The following WRAP73 variants were observed in gnomAD, a reference collection of about 807,000 sequenced individuals.
WRAP73 encodes WD repeat-containing protein WRAP73.
In WRAP73, 55 loss-of-function variants were observed where a neutral mutation model predicts 59.6. The observed-to-expected ratio is 0.92, with a 90% CI of 0.74 to 1.15. The LOEUF is 1.15. WRAP73 is among the 50% of genes most tolerant of loss of function. The pLI, the probability that WRAP73 is intolerant of heterozygous loss-of-function variation, is 0.00. For missense variants in WRAP73, 592 were observed against 608.1 expected, an observed-to-expected ratio of 0.97 and a Z score of 0.28; for synonymous variants, 265 against 258.2, an observed-to-expected ratio of 1.03 and a Z score of -0.25.
At chr1:3,636,134 G>T in intron 5 of WRAP73, 104 bp from the exon 6 acceptor site, 1 of 841,336 alleles carries the variant, frequency 1.2e-6, no homozygotes, top group Non-Finnish European at 1.9e-6. Flanking sequence ...TCCTTATATA[G>T]AAATTGACAA....
rs957811344 is a variant in WRAP73, at chr1:3,639,911, G to A, written c.340-1089C>T. 6.6e-6 allele frequency among the ~76,000 whole-genome samples: 1 copy of A among 152,170 alleles called. No individual in the cohort carries two copies. The highest frequency in any genetic ancestry group is 1.5e-5 in the Non-Finnish European group (1 of 68,010). On this transcript the variant is annotated intron_variant, in intron 3 of 11. Coordinates refer to ENST00000270708, the MANE Select transcript of WRAP73 (RefSeq NM_017818.4). This position sits in a 1 kb window ranked among gnomAD's most constrained non-coding sequence, Gnocchi z 4.3. ...GGACCGTCTCCAGCAGCGTAAGTGG[G>A]GCCGCAGCGTGTGGGGCACAGCATG...
intron 1 of WRAP73, among the ~76,000 whole-genome samples, chr1:3,648,438 G>T (rs186058689): frequency 6.6e-6 from 1 of 152,216 alleles, no homozygotes; most frequent in Non-Finnish European, 1.5e-5. Flanking sequence ...AAGAGAGACA[G>T]GCGGGTGACG....
intron 11 of WRAP73, 28 bp from the exon 12 acceptor site, chr1:3,631,145 T>C: frequency 6.2e-7 from 1 of 1,612,620 alleles, no homozygotes; most frequent in Non-Finnish European, 8.5e-7. Flanking sequence ...GCCAGAGGAT[T>C]ACAGCAGGGG....
intron 3 of WRAP73, among the ~76,000 whole-genome samples, chr1:3,643,543 C>T (rs1264056315): frequency 2.0e-5 from 3 of 152,074 alleles, no homozygotes; most frequent in African/African-American, 7.2e-5. Context: ...GTGGCGCCTT[C>T]GCAAGTGGAC....
intron 3 of WRAP73, among the ~76,000 whole-genome samples, chr1:3,641,141 T>C (rs1203599734): frequency 1.3e-5 from 2 of 152,130 alleles, no homozygotes; most frequent in African/African-American, 4.8e-5. Flanking sequence ...TGGGATGGGC[T>C]CCACAGCACT....
Position 3,639,671 on chromosome 1 carries a change from G to T in WRAP73, c.340-849C>A, listed in dbSNP as rs575997137. On this transcript the variant is annotated intron_variant, in intron 3 of 11. Coordinates refer to ENST00000270708, the MANE Select transcript of WRAP73 (RefSeq NM_017818.4). The surrounding 1 kb of genome is among the most constrained non-coding windows in gnomAD (Gnocchi z 4.3). ...TCTGGTAGTTAACTGAAATATGGCCGAGGTGCGGGGACACAAGGTGCGGGG... is the reference window on the plus strand; with the variant it reads ...TCTGGTAGTTAACTGAAATATGGCCTAGGTGCGGGGACACAAGGTGCGGGG... 6.6e-6 allele frequency: 1 copy of T among 152,066 alleles called. No individual in the cohort carries two copies. Among genetic ancestry groups the T allele is most frequent in the African/African-American group, 2.4e-5 (1 of 41,306 alleles). The allele number at this position is 152,066 out of a possible 1,614,324, so 9.4% of individuals were successfully genotyped here.
intron 2 of WRAP73, 129 bp downstream of exon 2, chr1:3,647,279 A>T: frequency 9.9e-7 from 1 of 1,013,084 alleles, no homozygotes; most frequent in South Asian, 2.0e-5. Context: ...GAACGTTATA[A>T]TTTCAAAAGA....
At chr1:3,647,243 T>C in intron 2 of WRAP73, 165 bp downstream of exon 2, 1 of 749,808 alleles carries the variant, frequency 1.3e-6, no homozygotes. Context: ...GGAGTTTCCT[T>C]AGTTTAAATG....
chr1:3,631,151 A>C, intron 11 of WRAP73, 34 bp from the exon 12 acceptor site: 1 of 1,612,008 alleles, frequency 6.2e-7, no homozygotes, highest in Non-Finnish European at 8.5e-7. Flanking sequence ...GGATTACAGC[A>C]GGGGAGGCCC....
chr1:3,632,338 T>A lies in WRAP73; in HGVS notation c.923A>T (p.Tyr308Phe). The part of the protein sequence containing the change: ...AGPLPSSESK[Y>F]EIASVPVSLQ... ...GGAGACTGGGACAGAGGCGATCTCA[T>A]CTAGAACACCAACAGGAAGAACACG... The change falls in exon 10 of 12, where the codon TAT becomes TTT. Residue 308 changes from tyrosine (Y) to phenylalanine (F), a missense_variant and splice_region_variant. Physicochemically the swap from Tyr to Phe is conservative, Grantham distance 22 (BLOSUM62 3). Transcript: ENST00000270708. 6.2e-7 allele frequency: 1 copy of A among 1,614,108 alleles called. No homozygotes were observed. The highest frequency in any genetic ancestry group is 1.1e-5 in the South Asian group (1 of 91,082).
rs1272212713 is a variant in WRAP73, at chr1:3,631,667, G to A, written c.1049-10C>T. The A allele has an allele frequency of 5.1e-6, 8 of 1,583,872 alleles. No homozygotes were observed. Among genetic ancestry groups the A allele is most frequent in the Non-Finnish European group, 6.8e-6 (8 of 1,169,356 alleles). The stretch of plus-strand genomic sequence containing the variant: ...GCATTGGGAATGTTGTCTGAGGAAG[G>A]AAGGACAGGGCACCGGTGTCATCCC... On this transcript the variant is annotated splice_polypyrimidine_tract_variant and intron_variant, in intron 10 of 11. Coordinates refer to ENST00000270708, the MANE Select transcript of WRAP73 (RefSeq NM_017818.4).
At chr1:3,643,424 C>T (rs1178134623) in intron 3 of WRAP73, among the ~76,000 whole-genome samples, 9 of 152,338 alleles carry the variant, frequency 5.9e-5, no homozygotes, top group Admixed American at 4.6e-4. Context: ...AGGGGTGAGC[C>T]GCTTTTGATG....
chr1:3,635,169 A>G lies in WRAP73; in HGVS notation c.729T>C (p.Tyr243=), dbSNP rs1430279412. 1 of 1,614,140 alleles carries G rather than the reference A, an allele frequency of 6.2e-7. No individual in the cohort carries two copies. The highest frequency in any genetic ancestry group is 8.5e-7 in the Non-Finnish European group (1 of 1,180,044). ...CTGCACTGGTTCCCACCTTTCCATCATAGCTCCCAACTGCCAGGAACTGAC... is the reference window on the plus strand; with the variant it reads ...CTGCACTGGTTCCCACCTTTCCATCGTAGCTCCCAACTGCCAGGAACTGAC... ...PSSQFLAVGS[Y]DGKVRILNHV... The change falls in exon 7 of 12, where the codon TAT becomes TAC. Residue 243 remains tyrosine (Y), a synonymous_variant. Transcript: ENST00000270708.
intron 3 of WRAP73, among the ~76,000 whole-genome samples, chr1:3,641,557 C>G (rs7526126): frequency 0.18 from 26,896 of 152,186 alleles, 2,662 homozygotes; most frequent in African/African-American, 0.25. Context: ...CAGTGCTGCT[C>G]GCCCCGCAGC....
At chr1:3,631,186 T>C (rs1295133502) in intron 11 of WRAP73, 69 bp from the exon 12 acceptor site, 2 of 1,599,498 alleles carry the variant, frequency 1.3e-6, no homozygotes, top group Non-Finnish European at 1.7e-6. Context: ...GGGCACCCCC[T>C]TGTCCTGCAG....
chr1:3,632,782 G>T (rs1226813671), intron 9 of WRAP73: 1 of 258,716 alleles, frequency 3.9e-6, no homozygotes, highest in Non-Finnish European at 7.6e-6. Context: ...GTGGAACAAG[G>T]ACGCCCCTGG....
At chr1:3,635,463 G>T in intron 6 of WRAP73, 169 bp from the exon 7 acceptor site, 1 of 815,968 alleles carries the variant, frequency 1.2e-6, no homozygotes, top group Non-Finnish European at 1.9e-6. Context: ...GATAGTCACG[G>T]AGAGGCAGTG....
chr1:3,638,827 T>A lies in WRAP73; in HGVS notation c.340-5A>T. 6.2e-7 allele frequency: 1 copy of A among 1,613,940 alleles called. No homozygotes were observed. The highest frequency in any genetic ancestry group is 8.5e-7 in the Non-Finnish European group (1 of 1,179,884). The stretch of plus-strand genomic sequence containing the variant: ...GGACCAGACGGTTATCCGCAGCTGT[T>A]GGGGGAAAGGGGAAAGAGAAAGGAA... On this transcript the variant is annotated splice_region_variant and splice_polypyrimidine_tract_variant and intron_variant, in intron 3 of 11. Transcript: ENST00000270708.
At chr1:3,634,892 C>T in intron 8 of WRAP73, 105 bp downstream of exon 8, 5 of 1,331,392 alleles carry the variant, frequency 3.8e-6, no homozygotes, top group Non-Finnish European at 5.3e-6. Context: ...GATGGAAGTG[C>T]CCGGTTAAAT....
Sources: gnomAD v4.1 joint callset for allele counts (sites outside exome capture counted in the v4.1 genomes callset) on GRCh38, gnomAD v4.1.1 for gene constraint, Gnocchi (gnomAD v3.1) non-coding constraint, MANE v1.5 for transcripts, NCBI Gene and HGNC (gene_info 2026-07-23, HGNC 2026-07-21) for gene names.